Variants in AMOTL1 observed in about 807,000 individuals in gnomAD.
AMOTL1 encodes the protein angiomotin-like protein 1.
AMOTL1 carries 45 observed loss-of-function variants against 102.9 expected under a neutral mutation model. That is an observed-to-expected ratio of 0.44 (90% CI 0.34 to 0.56). The LOEUF is 0.56. Ranked by LOEUF, AMOTL1 falls within the 20% of genes least tolerant of loss-of-function variation. The probability of loss-of-function intolerance (pLI) is 0.01; values close to 1 mark genes in which losing one functional copy is unlikely to be tolerated. For missense variants in AMOTL1, 1,114 were observed against 1,225.6 expected, an observed-to-expected ratio of 0.91 and a Z score of 1.36; for synonymous variants, 481 against 484.7, an observed-to-expected ratio of 0.99 and a Z score of 0.10.
At chr11:94,866,890 T>C (rs1952896257) in intron 11 of AMOTL1, 1 of 152,434 alleles carries the variant, frequency 6.6e-6, no homozygotes, top group Non-Finnish European at 1.5e-5. Context: ...AGTGTGGTCT[T>C]AGCCAGGAGT....
At chr11:94,715,655 T>C (rs1950084918) in intron 1 of AMOTL1, among the ~76,000 whole-genome samples, 1 of 152,180 alleles carries the variant, frequency 6.6e-6, no homozygotes, top group Non-Finnish European at 1.5e-5. Flanking sequence ...TTTTCTTCTT[T>C]CAGGGATTGA....
At chr11:94,803,413 G>A (rs764054510) in intron 3 of AMOTL1, among the ~76,000 whole-genome samples, 3 of 152,212 alleles carry the variant, frequency 2.0e-5, no homozygotes, top group South Asian at 4.1e-4. Context: ...AGCTACTGTG[G>A]CTGGTGGGGA....
intron 2 of AMOTL1, among the ~76,000 whole-genome samples, chr11:94,734,763 A>G (rs945368832): frequency 1.3e-5 from 2 of 152,302 alleles, no homozygotes; most frequent in East Asian, 3.9e-4. Flanking sequence ...GAAGATGATC[A>G]AAGGGCAATA....
intron 1 of AMOTL1, among the ~76,000 whole-genome samples, chr11:94,724,838 C>T (rs1225434543): frequency 6.6e-6 from 1 of 152,072 alleles, no homozygotes; most frequent in Non-Finnish European, 1.5e-5. Context: ...CCAGCAAGTA[C>T]ACTTGTTTGC....
intron 1 of AMOTL1, among the ~76,000 whole-genome samples, chr11:94,794,055 G>A (rs1951326154): frequency 6.6e-6 from 1 of 152,224 alleles, no homozygotes; most frequent in Non-Finnish European, 1.5e-5. Context: ...GAAATGGGTA[G>A]ATAACAAACC....
intron 1 of AMOTL1, among the ~76,000 whole-genome samples, chr11:94,776,685 G>T (rs1007069913): frequency 6.6e-6 from 1 of 152,240 alleles, no homozygotes; most frequent in East Asian, 1.9e-4. Context: ...GCTGCTCTGG[G>T]TGGTATGACC....
At chr11:94,824,374 T>C (rs1449470608) in intron 4 of AMOTL1, among the ~76,000 whole-genome samples, 1 of 152,208 alleles carries the variant, frequency 6.6e-6, no homozygotes, top group East Asian at 1.9e-4. Flanking sequence ...TTACTTAAAG[T>C]TGCAGTTTCC....
At chr11:94,857,004 G>T (rs556544710) in intron 8 of AMOTL1, among the ~76,000 whole-genome samples, 1 of 152,140 alleles carries the variant, frequency 6.6e-6, no homozygotes, top group South Asian at 2.1e-4. Context: ...GGGCTGGTAC[G>T]CTGAGGATGA....
At chr11:94,808,211 T>C (rs930218068) in intron 3 of AMOTL1, among the ~76,000 whole-genome samples, 20 of 150,280 alleles carry the variant, frequency 1.3e-4, no homozygotes, top group African/African-American at 4.7e-4. Flanking sequence ...ACCTGAGAAA[T>C]ACATGTGATT....
At chr11:94,731,189 G>A (rs1950344880) in intron 2 of AMOTL1, among the ~76,000 whole-genome samples, 1 of 152,216 alleles carries the variant, frequency 6.6e-6, no homozygotes. Context: ...TGAGGGAAAA[G>A]CTTAGTTCTG....
chr11:94,788,763 A>AAATT (rs967984771), intron 1 of AMOTL1, among the ~76,000 whole-genome samples: 2 of 152,230 alleles, frequency 1.3e-5, no homozygotes, highest in African/African-American at 4.8e-5. Context: ...TTGTTACTTT[A>AAATT]AAGGTTAAGC....
At chr11:94,865,072 G>A (rs774893999) in intron 10 of AMOTL1, among the ~76,000 whole-genome samples, 3 of 152,154 alleles carry the variant, frequency 2.0e-5, no homozygotes, top group Non-Finnish European at 4.4e-5. Flanking sequence ...GGAGTTCTCT[G>A]GGGGAAATTG....
chr11:94,720,715 C>T (rs1950162934), intron 1 of AMOTL1, among the ~76,000 whole-genome samples: 1 of 152,040 alleles, frequency 6.6e-6, no homozygotes, highest in African/African-American at 2.4e-5. Context: ...TCTGATTAGC[C>T]CGTCAATTGT....
At chr11:94,803,371 G>A (rs1033951624) in intron 3 of AMOTL1, among the ~76,000 whole-genome samples, 2 of 152,156 alleles carry the variant, frequency 1.3e-5, no homozygotes, top group South Asian at 2.1e-4. Context: ...CCTTGACCTC[G>A]TTGACTTGAC....
chr11:94,773,543 A>G (rs1950983080), intron 1 of AMOTL1, among the ~76,000 whole-genome samples: 2 of 152,184 alleles, frequency 1.3e-5, no homozygotes, highest in Admixed American at 6.5e-5. Context: ...TATGATGGGG[A>G]CACATGTGAT....
Position 94,821,737 on chromosome 11 carries a change from A to G in AMOTL1, c.1329A>G (p.Gln443=). Residue 443 remains glutamine (Q), a synonymous_variant, in exon 4 of 13, where the codon CAA becomes CAG. Coordinates refer to ENST00000433060, the MANE Select transcript of AMOTL1 (RefSeq NM_130847.3). ...DAFAIVERAQ[Q]MVEILTEENR... is the part of the protein sequence containing the mutation. Reference sequence around the variant, plus strand: ...TTGCGATTGTGGAGCGAGCCCAGCAAATGGTGGAGATATTAACAGAGGAGA... The same window carrying G: ...TTGCGATTGTGGAGCGAGCCCAGCAGATGGTGGAGATATTAACAGAGGAGA... The G allele has an allele frequency of 1.2e-6, 2 of 1,613,982 alleles. No individual in the cohort carries two copies. The highest frequency in any genetic ancestry group is 1.7e-6 in the Non-Finnish European group (2 of 1,179,888).
chr11:94,865,477 A>C (rs1398805729), intron 10 of AMOTL1, among the ~76,000 whole-genome samples: 1 of 152,246 alleles, frequency 6.6e-6, no homozygotes, highest in Non-Finnish European at 1.5e-5. Context: ...AAAATAACTC[A>C]GCATTCTTCC....
chr11:94,869,405 T>C lies in AMOTL1; in HGVS notation c.2696T>C (p.Leu899Pro). Residue 899 changes from leucine (L) to proline (P), a missense_variant, in exon 12 of 13, where the codon CTG (leucine) becomes CCG (proline). Coordinates refer to ENST00000433060, the MANE Select transcript of AMOTL1 (RefSeq NM_130847.3). ...GCCTCCCTTCCCAGCCGCGGCCGGC[T>C]GAGCACGACCCCTGCTCACAGCCCC... The part of the protein sequence containing the change: ...SMASLPSRGR[L>P]STTPAHSPVL... 6.2e-7 allele frequency: 1 copy of C among 1,605,422 alleles called. No individual in the cohort carries two copies. Among genetic ancestry groups the C allele is most frequent in the Non-Finnish European group, 8.5e-7 (1 of 1,176,332 alleles).
chr11:94,793,879 C>T (rs564162659), intron 1 of AMOTL1, among the ~76,000 whole-genome samples: 1 of 152,294 alleles, frequency 6.6e-6, no homozygotes, highest in South Asian at 2.1e-4. Flanking sequence ...TGTCAGAATC[C>T]TTTCTCTTTC....
Sources: allele counts gnomAD v4.1 joint callset (sites outside exome capture counted in the v4.1 genomes callset), GRCh38; gene constraint gnomAD v4.1.1; transcripts MANE v1.5; gene names NCBI Gene and HGNC (gene_info 2026-07-23, HGNC 2026-07-21).